PKNOX2: variants seen among roughly 807,000 people sequenced by gnomAD.
PKNOX2 encodes homeobox protein PKNOX2.
Under a neutral mutation model 53.1 loss-of-function variants are expected in PKNOX2, and 14 were observed. The observed-to-expected ratio is 0.26, with a 90% CI of 0.17 to 0.41. The LOEUF (loss-of-function observed/expected upper bound fraction) is 0.41, where lower values mean the gene tolerates loss of function less well. PKNOX2 is among the 10% of genes least tolerant of loss of function. The probability of loss-of-function intolerance (pLI) is 1.00; values close to 1 mark genes in which losing one functional copy is unlikely to be tolerated. For synonymous variants in PKNOX2, 257 were observed against 242.8 expected (o/e 1.06, Z -0.54); for missense variants, 496 against 602.8 (o/e 0.82, Z 1.85).
chr11:125,220,495 C>G (rs1225114809), intron 1 of PKNOX2, among the ~76,000 whole-genome samples: 1 of 152,138 alleles, frequency 6.6e-6, no homozygotes, highest in Non-Finnish European at 1.5e-5. Flanking sequence ...AAGGCAGAGG[C>G]AGCATCGGAG....
intron 1 of PKNOX2, among the ~76,000 whole-genome samples, chr11:125,219,011 C>T (rs1940851260): frequency 6.6e-6 from 1 of 152,142 alleles, no homozygotes; most frequent in Non-Finnish European, 1.5e-5. Context: ...CATGTCCAGG[C>T]TGGCAATCAA....
At chr11:125,195,461 CA>C (rs1375736533) in intron 1 of PKNOX2, among the ~76,000 whole-genome samples, 4 of 152,112 alleles carry the variant, frequency 2.6e-5, no homozygotes, top group Non-Finnish European at 5.9e-5. Context: ...AGACTTTCAG[CA>C]GTCGGCAGTG....
intron 2 of PKNOX2, among the ~76,000 whole-genome samples, chr11:125,242,148 T>C (rs557913301): frequency 6.6e-6 from 1 of 152,296 alleles, no homozygotes; most frequent in Non-Finnish European, 1.5e-5. Flanking sequence ...GGGGGCCCTG[T>C]GCTTGGTGTG....
At chr11:125,239,667 A>G (rs548475763) in intron 2 of PKNOX2, 25 of 152,374 alleles carry the variant, frequency 1.6e-4, no homozygotes, top group African/African-American at 6.0e-4. Flanking sequence ...CAATGAGCGT[A>G]AAAACAACAG....
intron 6 of PKNOX2, among the ~76,000 whole-genome samples, chr11:125,387,662 C>T (rs887936551): frequency 2.0e-5 from 3 of 152,194 alleles, no homozygotes; most frequent in Non-Finnish European, 2.9e-5. Flanking sequence ...TGGAAGCTGC[C>T]CTGGTGGCCC....
intron 1 of PKNOX2, among the ~76,000 whole-genome samples, chr11:125,208,799 C>G (rs1939463369): frequency 6.6e-6 from 1 of 152,012 alleles, no homozygotes; most frequent in African/African-American, 2.4e-5. Context: ...ATAGTAAAGA[C>G]TCAAAGATGA....
intron 2 of PKNOX2, among the ~76,000 whole-genome samples, chr11:125,267,755 GTGTGTGCA>G: frequency 7.0e-6 from 1 of 143,176 alleles, no homozygotes; most frequent in East Asian, 1.9e-4. Flanking sequence ...GTGCGCGTGT[GTGTGTGCA>G]TGTGTGTGTG....
chr11:125,416,086 G>A (rs1458033634), intron 10 of PKNOX2, among the ~76,000 whole-genome samples: 1 of 151,780 alleles, frequency 6.6e-6, no homozygotes, highest in South Asian at 2.1e-4. Flanking sequence ...GGCGGATCAC[G>A]AGGTCAGGAG....
chr11:125,343,476 G>A (rs1201695464), intron 3 of PKNOX2, among the ~76,000 whole-genome samples: 2 of 152,082 alleles, frequency 1.3e-5, no homozygotes, highest in Non-Finnish European at 2.9e-5. Context: ...GAGGAGATGA[G>A]AATCTTCATC....
chr11:125,257,598 T>C (rs1207239116), intron 2 of PKNOX2, among the ~76,000 whole-genome samples: 1 of 152,196 alleles, frequency 6.6e-6, no homozygotes, highest in East Asian at 1.9e-4. Flanking sequence ...TCAGCCTCAG[T>C]TTCCCTGCTG....
chr11:125,315,303 G>GAAAAAAAAAAAAAAAAAA (rs534448203), intron 2 of PKNOX2, among the ~76,000 whole-genome samples: 26 of 79,436 alleles, frequency 3.3e-4, no homozygotes, highest in Non-Finnish European at 5.8e-4. Context: ...TGTGAAGCAG[G>GAAAAAAAAAAAAAAAAAA]AAAAAAAAAA....
At chr11:125,410,621 C>A (rs1303889352) in intron 8 of PKNOX2, 158 bp from the exon 9 acceptor site, 2 of 664,260 alleles carry the variant, frequency 3.0e-6, no homozygotes, top group South Asian at 1.9e-5. Flanking sequence ...TAGACACCAT[C>A]CCCCACCCAC....
intron 1 of PKNOX2, among the ~76,000 whole-genome samples, chr11:125,226,116 T>C (rs1353036583): frequency 6.6e-6 from 1 of 152,224 alleles, no homozygotes; most frequent in Non-Finnish European, 1.5e-5. Flanking sequence ...TATTAACTTT[T>C]CAAAGTATGT....
At chr11:125,341,164 C>G (rs1437180471) in intron 3 of PKNOX2, among the ~76,000 whole-genome samples, 1 of 151,628 alleles carries the variant, frequency 6.6e-6, no homozygotes, top group Non-Finnish European at 1.5e-5. Flanking sequence ...CGAGACCAGC[C>G]TGGCCAGCAT....
intron 7 of PKNOX2, among the ~76,000 whole-genome samples, chr11:125,400,241 C>T (rs765771490): frequency 3.9e-5 from 6 of 152,234 alleles, no homozygotes; most frequent in Non-Finnish European, 8.8e-5. Context: ...CTTGGTATTA[C>T]TCAAACTTGT....
At chr11:125,248,489 A>G (rs931510640) in intron 2 of PKNOX2, among the ~76,000 whole-genome samples, 22 of 152,086 alleles carry the variant, frequency 1.4e-4, no homozygotes, top group African/African-American at 5.3e-4. Context: ...TTTTTAAAAA[A>G]TCTTATTTTA....
At chr11:125,419,403 A>G (rs1367704942) in intron 10 of PKNOX2, among the ~76,000 whole-genome samples, 1 of 151,400 alleles carries the variant, frequency 6.6e-6, no homozygotes, top group Non-Finnish European at 1.5e-5. Flanking sequence ...AGAAACCACA[A>G]AACTTTTGGG....
At chr11:125,251,917 T>C (rs1029136492) in intron 2 of PKNOX2, among the ~76,000 whole-genome samples, 1 of 152,132 alleles carries the variant, frequency 6.6e-6, no homozygotes. Context: ...TGTTCATTCA[T>C]TTGTTCTATT....
At chr11:125,236,156 C>A (rs143671306) in intron 2 of PKNOX2, among the ~76,000 whole-genome samples, 1 of 152,222 alleles carries the variant, frequency 6.6e-6, no homozygotes, top group South Asian at 2.1e-4. Flanking sequence ...GGCCGCCCTG[C>A]GATCGGCTAA....
Sources: gnomAD v4.1 joint callset for allele counts (sites outside exome capture counted in the v4.1 genomes callset) on GRCh38, gnomAD v4.1.1 for gene constraint, MANE v1.5 for transcripts, NCBI Gene and HGNC (gene_info 2026-07-23, HGNC 2026-07-21) for gene names.